The following ABCB1 variants were observed in gnomAD, a reference collection of about 807,000 sequenced individuals.
The protein encoded by ABCB1 is ATP binding cassette subfamily B member 1, also known as ATP-dependent translocase ABCB1.
Under a neutral mutation model 142.0 loss-of-function variants are expected in ABCB1, and 69 were observed. The ratio of observed to expected loss-of-function variants is 0.49; its 90% CI spans 0.40 to 0.59. ABCB1 has a LOEUF of 0.59. ABCB1 is among the 20% of genes least tolerant of loss of function. The pLI, the probability that ABCB1 is intolerant of heterozygous loss-of-function variation, is 0.00. For missense variants in ABCB1, 1,326 were observed against 1,554.7 expected (o/e 0.85, Z 2.47); for synonymous variants, 532 against 539.2 (o/e 0.99, Z 0.18).
At chr7:87,674,655 G>C (rs545590784) in intron 1 of ABCB1, among the ~76,000 whole-genome samples, 3 of 152,200 alleles carry the variant, frequency 2.0e-5, no homozygotes, top group South Asian at 2.1e-4. Flanking sequence ...GCAGGGGCTG[G>C]TCTGTTGGAA....
At chr7:87,563,744 A>G (rs1205768932) in intron 7 of ABCB1, among the ~76,000 whole-genome samples, 9 of 152,170 alleles carry the variant, frequency 5.9e-5, no homozygotes, top group African/African-American at 1.9e-4. Flanking sequence ...CTGGCACAAA[A>G]CAAGGATGGA....
intron 1 of ABCB1, among the ~76,000 whole-genome samples, chr7:87,638,980 G>A (rs1037355727): frequency 2.1e-4 from 32 of 151,732 alleles, no homozygotes; most frequent in South Asian, 2.1e-4. Context: ...GTGAAACCCC[G>A]TCTCTACTAA....
chr7:87,600,139 A>G lies in ABCB1; in HGVS notation c.46T>C (p.Phe16Leu). 6.2e-7 allele frequency: 1 copy of G among 1,614,106 alleles called. No individual in the cohort carries two copies. Among genetic ancestry groups the G allele is most frequent in the South Asian group, 1.1e-5 (1 of 91,050 alleles). Reference protein sequence around the residue: ...DRNGGAKKKNFFKLNNKSEKD... With the variant: ...DRNGGAKKKNLFKLNNKSEKD... ...TACCTTTTATTGTTCAGTTTAAAAA[A>G]GTTCTTCTTCTTTGCTCCTCCATTG... The change falls in exon 2 of 28, where the codon TTT becomes CTT. Residue 16 changes from phenylalanine (F) to leucine (L), a missense_variant. Physicochemically the swap from Phe to Leu is conservative, Grantham distance 22. Coordinates refer to ENST00000622132, the MANE Select transcript of ABCB1 (RefSeq NM_001348946.2).
In ABCB1 at chr7:87,545,017, T is replaced by C. The variant is rs565510236; in HGVS notation, c.1888-18A>G. The C allele has an allele frequency of 9.9e-6, 16 of 1,610,918 alleles. 1 individual carries two copies. The highest frequency in any genetic ancestry group is 1.3e-5 in the Non-Finnish European group (15 of 1,178,124). ...CCTGCTGTCTAAAATAAATAAGAAA[T>C]ATGCAAAAGCTCATTAGGCTGTGTG... On this transcript the variant is annotated intron_variant, in intron 15 of 27. Coordinates refer to ENST00000622132, the MANE Select transcript of ABCB1 (RefSeq NM_001348946.2).
intron 3 of ABCB1, among the ~76,000 whole-genome samples, chr7:87,594,498 G>A (rs561237449): frequency 6.6e-6 from 1 of 152,058 alleles, no homozygotes; most frequent in Admixed American, 6.5e-5. Flanking sequence ...AGACTCCTAA[G>A]GTTTAAAAAA....
At chr7:87,700,276 G>A (rs1828907487) in intron 1 of ABCB1, 1 of 615,452 alleles carries the variant, frequency 1.6e-6, no homozygotes, top group Non-Finnish European at 2.7e-6. Context: ...TAGATTTGAG[G>A]CTTTTTGACA....
At chr7:87,554,146 G>T (rs1817214334) in intron 8 of ABCB1, among the ~76,000 whole-genome samples, 2 of 152,248 alleles carry the variant, frequency 1.3e-5, no homozygotes, top group South Asian at 4.2e-4. Context: ...ATTTGTGGGG[G>T]AGTCTTCTAA....
chr7:87,689,335 TTAA>T (rs1337893405), intron 1 of ABCB1, among the ~76,000 whole-genome samples: 1 of 152,106 alleles, frequency 6.6e-6, no homozygotes, highest in Non-Finnish European at 1.5e-5. Flanking sequence ...TGTCAGAAAA[TTAA>T]TGAGACATTT....
chr7:87,576,646 A>G (rs1159884521), intron 4 of ABCB1, among the ~76,000 whole-genome samples: 3 of 151,678 alleles, frequency 2.0e-5, no homozygotes, highest in African/African-American at 7.2e-5. Flanking sequence ...CATTCTTTCT[A>G]CTTTTCTCCA....
intron 4 of ABCB1, among the ~76,000 whole-genome samples, chr7:87,572,807 A>G (rs1395753860): frequency 6.6e-6 from 1 of 151,408 alleles, no homozygotes; most frequent in Non-Finnish European, 1.5e-5. Context: ...AGAGAAAACC[A>G]AATACCACGT....
chr7:87,645,210 G>A (rs1030525348), intron 1 of ABCB1, among the ~76,000 whole-genome samples: 1 of 151,762 alleles, frequency 6.6e-6, no homozygotes, highest in African/African-American at 2.4e-5. Context: ...AGCCTCTTGA[G>A]TAGCTGGGAT....
intron 1 of ABCB1, among the ~76,000 whole-genome samples, chr7:87,677,679 A>G (rs761321182): frequency 6.6e-5 from 10 of 152,204 alleles, no homozygotes; most frequent in Non-Finnish European, 1.3e-4. Flanking sequence ...AAAACAGAAC[A>G]AAACAAAAAA....
intron 7 of ABCB1, 23 bp downstream of exon 7, chr7:87,566,047 C>A: frequency 2.5e-6 from 4 of 1,614,064 alleles, no homozygotes; most frequent in South Asian, 1.1e-5. Flanking sequence ...AGTTCAAAAT[C>A]TGGATTCACA....
intron 21 of ABCB1, among the ~76,000 whole-genome samples, chr7:87,523,181 C>G (rs535435840): frequency 6.6e-6 from 1 of 152,264 alleles, no homozygotes; most frequent in African/African-American, 2.4e-5. Flanking sequence ...GTGTGATCAT[C>G]ATAGCTCACT....
intron 25 of ABCB1, among the ~76,000 whole-genome samples, chr7:87,513,170 A>G (rs1563028258): frequency 6.6e-6 from 1 of 152,008 alleles, no homozygotes; most frequent in Non-Finnish European, 1.5e-5. Flanking sequence ...TATCGGCATA[A>G]TTTTCTGCAG....
At chr7:87,574,395 T>C (rs1818189194) in intron 4 of ABCB1, among the ~76,000 whole-genome samples, 1 of 152,180 alleles carries the variant, frequency 6.6e-6, no homozygotes, top group Non-Finnish European at 1.5e-5. Flanking sequence ...ATTGGGTTTT[T>C]GCCACATTTA....
intron 12 of ABCB1, 31 bp from the exon 13 acceptor site, chr7:87,550,085 C>A (rs996106913): frequency 3.7e-6 from 6 of 1,613,850 alleles, no homozygotes; most frequent in Non-Finnish European, 5.1e-6. Context: ...GACTTTCATA[C>A]ATTTGTAATT....
intron 25 of ABCB1, among the ~76,000 whole-genome samples, chr7:87,510,984 G>A (rs1024928919): frequency 1.3e-5 from 2 of 152,082 alleles, no homozygotes; most frequent in Non-Finnish European, 1.5e-5. Flanking sequence ...TTTTGTTTTT[G>A]TTGTAATTTT....
At chr7:87,582,945 G>T (rs757137862) in intron 4 of ABCB1, among the ~76,000 whole-genome samples, 3 of 151,894 alleles carry the variant, frequency 2.0e-5, no homozygotes, top group African/African-American at 4.8e-5. Context: ...AGGCATGGCT[G>T]GTAACCAAGG....
Sources: gnomAD v4.1 joint callset for allele counts (sites outside exome capture counted in the v4.1 genomes callset) on GRCh38, gnomAD v4.1.1 for gene constraint, MANE v1.5 for transcripts, NCBI Gene and HGNC (gene_info 2026-07-23, HGNC 2026-07-21) for gene names.